The following PFKFB3 variants were observed in gnomAD, a reference collection of about 807,000 sequenced individuals.
The protein encoded by PFKFB3 is 6-phosphofructo-2-kinase/fructose-2,6-biphosphatase 3.
In PFKFB3, 33 loss-of-function variants were observed where a neutral mutation model predicts 68.0. The ratio of observed to expected loss-of-function variants is 0.49; its 90% CI spans 0.37 to 0.65. PFKFB3 has a LOEUF of 0.65. Among genes scored for constraint, PFKFB3 ranks in the 30% least tolerant of loss-of-function variants. The pLI, the probability that PFKFB3 is intolerant of heterozygous loss-of-function variation, is 0.00. For missense variants in PFKFB3, 586 were observed against 712.2 expected (o/e 0.82, Z 2.02); for synonymous variants, 315 against 288.2 (o/e 1.09, Z -0.94).
downstream of PFKFB3, among the ~76,000 whole-genome samples, chr10:6,235,854 C>T (rs1323639331): frequency 6.6e-6 from 1 of 151,400 alleles, no homozygotes; most frequent in Non-Finnish European, 1.5e-5. Flanking sequence ...GCAACCTCCT[C>T]CTACCAGGTT....
In PFKFB3 at chr10:6,220,686, G is replaced by A. The variant is rs373816623; in HGVS notation, c.652G>A (p.Val218Met). The A allele has an allele frequency of 3.1e-6, 5 of 1,613,902 alleles. No individual in the cohort carries two copies. Among genetic ancestry groups the A allele is most frequent in the Non-Finnish European group, 4.2e-6 (5 of 1,180,026 alleles). ...RDLSLIKVID[V>M]GRRFLVNRVQ... ...CTTGTCGCTGATCAAGGTGATTGACGTGGGCCGGAGGTTCCTGGTGAACCG... is the reference window on the plus strand; with the variant it reads ...CTTGTCGCTGATCAAGGTGATTGACATGGGCCGGAGGTTCCTGGTGAACCG... Residue 218 changes from valine to methionine, a missense_variant, in exon 8 of 15, where the codon GTG (valine) becomes ATG (methionine). Val to Met is a conservative substitution (Grantham distance 21). Transcript: ENST00000379775. The surrounding 1 kb of genome is among the most constrained non-coding windows in gnomAD (Gnocchi z 4.1).
downstream of PFKFB3, among the ~76,000 whole-genome samples, chr10:6,236,360 G>A (rs985464234): frequency 3.2e-4 from 49 of 152,344 alleles, no homozygotes; most frequent in East Asian, 3.9e-4. Context: ...AACACCATGC[G>A]TGGAGGAAGC....
At chr10:6,195,640 G>A (rs1017662690) in intron 1 of PFKFB3, among the ~76,000 whole-genome samples, 7 of 152,188 alleles carry the variant, frequency 4.6e-5, no homozygotes, top group Non-Finnish European at 8.8e-5. Context: ...GCAGATAAAC[G>A]TGGTTCACTT....
At chr10:6,269,958 C>T in the PFKFB3 span, among the ~76,000 whole-genome samples, 1 of 151,970 alleles carries the variant, frequency 6.6e-6, no homozygotes, top group Admixed American at 6.6e-5. Context: ...TGGTGAGACC[C>T]CCCTCTCTAC....
the PFKFB3 span, among the ~76,000 whole-genome samples, chr10:6,296,753 G>C: frequency 1.3e-5 from 2 of 152,218 alleles, no homozygotes; most frequent in Non-Finnish European, 2.9e-5. Context: ...AATGAGCAGT[G>C]AGGATGACCA....
Position 6,216,798 on chromosome 10 carries a change from T to G in PFKFB3, c.441+18T>G, listed in dbSNP as rs1336920715. ...ACTTTAAGGTGAGCTGAGCGTCTTG[T>G]GTTGTGCTAGAGGGCTCGGGAGAGA... On this transcript the variant is annotated intron_variant, in intron 5 of 14. Transcript: ENST00000379775. 1 of 1,596,568 alleles carries G rather than the reference T, an allele frequency of 6.3e-7. No homozygotes were observed. The highest frequency in any genetic ancestry group is 8.6e-7 in the Non-Finnish European group (1 of 1,164,052).
chr10:6,195,563 C>A (rs904384517), intron 1 of PFKFB3, among the ~76,000 whole-genome samples: 1 of 152,198 alleles, frequency 6.6e-6, no homozygotes, highest in African/African-American at 2.4e-5. Context: ...CTCAGACTTT[C>A]CTCTAGAAGT....
In PFKFB3 at chr10:6,203,186, G is replaced by T; in HGVS notation, c.-75G>T. Reference sequence around the variant, plus strand: ...CGCCCCCCTCTCCTCCTTTGTTCCGGGGGTCGGCGGCCGCTCTCCTGCCAG... The same window carrying T: ...CGCCCCCCTCTCCTCCTTTGTTCCGTGGGTCGGCGGCCGCTCTCCTGCCAG... On this transcript the variant is annotated 5_prime_UTR_variant, in exon 1 of 15. Coordinates refer to ENST00000379775, the MANE Select transcript of PFKFB3 (RefSeq NM_004566.4). The T allele has an allele frequency of 6.4e-7, 1 of 1,561,498 alleles. No homozygotes were observed.
chr10:6,184,747 C>T (rs985943153), intron 1 of PFKFB3, among the ~76,000 whole-genome samples: 1 of 147,718 alleles, frequency 6.8e-6, no homozygotes, highest in Non-Finnish European at 1.5e-5. Context: ...GCTGGAATTA[C>T]AGGTGTGAGT....
chr10:6,304,926 C>T, the PFKFB3 span, among the ~76,000 whole-genome samples: 1 of 147,656 alleles, frequency 6.8e-6, no homozygotes, highest in East Asian at 2.0e-4. Context: ...AAGCTATCCT[C>T]CTGCCTCGGC....
chr10:6,181,762 C>T (rs1402407756), intron 1 of PFKFB3, among the ~76,000 whole-genome samples: 2 of 145,960 alleles, frequency 1.4e-5, no homozygotes, highest in Non-Finnish European at 3.0e-5. Flanking sequence ...TGTGCCACTG[C>T]ACTCCAGCCT....
At chr10:6,246,147 T>C (rs1460467649) in intron 14 of PFKFB3, among the ~76,000 whole-genome samples, 3 of 152,158 alleles carry the variant, frequency 2.0e-5, no homozygotes, top group Admixed American at 6.5e-5. Context: ...GGGTCTCCCA[T>C]TGACACAGTG....
At chr10:6,214,368 C>A (rs1450562842) in intron 2 of PFKFB3, among the ~76,000 whole-genome samples, 1 of 66,678 alleles carries the variant, frequency 1.5e-5, no homozygotes, top group Non-Finnish European at 2.6e-5. Context: ...ACCCACAACC[C>A]CTCCCTGTCC....
rs1291678543 is a variant in PFKFB3, at chr10:6,224,019, T to C, written c.1275T>C (p.Tyr425=). ...TCCTGAAACTGACGCCTGTCGCTTATGGTGAGTAGCAACCCCTGCCAAGCC... is the reference window on the plus strand; with the variant it reads ...TCCTGAAACTGACGCCTGTCGCTTACGGTGAGTAGCAACCCCTGCCAAGCC... ...HTVLKLTPVA[Y]GCRVESIYLN... The change falls in exon 12 of 15, where the codon TAT becomes TAC. Residue 425 remains tyrosine (Y), a splice_region_variant and synonymous_variant. Coordinates refer to ENST00000379775, the MANE Select transcript of PFKFB3 (RefSeq NM_004566.4). The C allele has an allele frequency of 1.2e-5, 19 of 1,614,080 alleles. No individual in the cohort carries two copies. Among genetic ancestry groups the C allele is most frequent in the Non-Finnish European group, 1.5e-5 (18 of 1,180,022 alleles).
intron 1 of PFKFB3, among the ~76,000 whole-genome samples, chr10:6,187,172 C>G (rs899431117): frequency 6.7e-6 from 1 of 149,914 alleles, no homozygotes; most frequent in African/African-American, 2.5e-5. Flanking sequence ...ACCAGCCTGG[C>G]CAACATGGTG....
At chr10:6,263,094 G>A in the PFKFB3 span, among the ~76,000 whole-genome samples, 28 of 152,316 alleles carry the variant, frequency 1.8e-4, no homozygotes, top group Middle Eastern at 3.4e-3. Context: ...CTTCAGAGCC[G>A]AGAGCCCCGA....
rs1845506248 is a variant in PFKFB3 at position 6,228,473 on chromosome 10, C to T, written c.1515+2108C>T. Among the ~76,000 whole-genome samples, 1 of 152,076 alleles carries T rather than the reference C, an allele frequency of 6.6e-6. No homozygotes were observed. The highest frequency in any genetic ancestry group is 6.5e-5 in the Admixed American group (1 of 15,272). On this transcript the variant is annotated intron_variant, in intron 14 of 14. Coordinates refer to ENST00000379775, the MANE Select transcript of PFKFB3 (RefSeq NM_004566.4). This position sits in a 1 kb window ranked among gnomAD's most constrained non-coding sequence, Gnocchi z 4.5. ...CCGCCGCACGACCGCTGGCTTCTCC[C>T]CTACCCTCTCAGGGCTGCAGGTCGT...
At chr10:6,169,035 G>A (rs1842225818) in intron 1 of PFKFB3, among the ~76,000 whole-genome samples, 1 of 143,186 alleles carries the variant, frequency 7.0e-6, no homozygotes, top group Non-Finnish European at 1.6e-5. Context: ...ACCTCCCCCT[G>A]GTTCAAGCAA....
the PFKFB3 span, among the ~76,000 whole-genome samples, chr10:6,274,672 C>T: frequency 6.6e-6 from 1 of 151,914 alleles, no homozygotes; most frequent in Admixed American, 6.6e-5. Context: ...CATAGTGAGA[C>T]CCCATCTAAA....
Sources: gnomAD v4.1 joint callset for allele counts (sites outside exome capture counted in the v4.1 genomes callset) on GRCh38, gnomAD v4.1.1 for gene constraint, Gnocchi (gnomAD v3.1) non-coding constraint, MANE v1.5 for transcripts, NCBI Gene and HGNC (gene_info 2026-07-23, HGNC 2026-07-21) for gene names.